The following PTBP3 variants were observed in gnomAD, a reference collection of about 807,000 sequenced individuals.
The protein encoded by PTBP3 is polypyrimidine tract binding protein 3, also known as polypyrimidine tract-binding protein 3.
Under a neutral mutation model 58.7 loss-of-function variants are expected in PTBP3, and 20 were observed. The ratio of observed to expected loss-of-function variants is 0.34; its 90% CI spans 0.24 to 0.50. PTBP3 has a LOEUF of 0.50. Ranked by LOEUF, PTBP3 falls within the 20% of genes least tolerant of loss-of-function variation. PTBP3 has a pLI of 0.98. For synonymous variants in PTBP3, 185 were observed against 219.8 expected, an observed-to-expected ratio of 0.84 and a Z score of 1.40; for missense variants, 509 against 637.2, an observed-to-expected ratio of 0.80 and a Z score of 2.17.
chr9:112,230,896 C>T (rs576370433), intron 10 of PTBP3, among the ~76,000 whole-genome samples: 1 of 152,286 alleles, frequency 6.6e-6, no homozygotes, highest in Admixed American at 6.5e-5. Flanking sequence ...CAATGGCTTC[C>T]GATTGTTCTT....
the PTBP3 span, among the ~76,000 whole-genome samples, chr9:112,354,943 T>G: frequency 1.3e-5 from 2 of 152,156 alleles, no homozygotes; most frequent in Non-Finnish European, 2.9e-5. Context: ...AAAACGTACA[T>G]GTACTCACAG....
Position 112,275,978 on chromosome 9 carries a change from T to C in PTBP3, c.70A>G (p.Arg24Gly). Reference protein sequence around the residue: ...GNDSKKFKRDRPPCSPSRVLH... With the variant: ...GNDSKKFKRDGPPCSPSRVLH... ...ACACGGGAAGGCGAACAGGGAGGTC[T>C]ATCTCGTTTAAATTTCTTGCTGTCA... Residue 24 changes from arginine to glycine, a missense_variant, in exon 3 of 14, where the codon AGA (arginine) becomes GGA (glycine). Around this residue, in one of 4 missense-constraint regions of PTBP3, gnomAD observed 212 missense variants for 215.3 expected, o/e 0.98. Transcript: ENST00000374257. The C allele has an allele frequency of 6.2e-7, 1 of 1,613,140 alleles. No homozygotes were observed. The highest frequency in any genetic ancestry group is 8.5e-7 in the Non-Finnish European group (1 of 1,179,486).
intron 3 of PTBP3, among the ~76,000 whole-genome samples, chr9:112,275,402 T>C (rs905083494): frequency 6.6e-6 from 1 of 152,204 alleles, no homozygotes; most frequent in African/African-American, 2.4e-5. Flanking sequence ...CCCAAAGTGC[T>C]GGGATTACAG....
chr9:112,293,431 C>T (rs1313332653), intron 2 of PTBP3, among the ~76,000 whole-genome samples: 1 of 152,128 alleles, frequency 6.6e-6, no homozygotes, highest in Non-Finnish European at 1.5e-5. Context: ...ACACAAAATA[C>T]AGTACATATG....
At chr9:112,257,792 T>C (rs1192507007) in intron 5 of PTBP3, among the ~76,000 whole-genome samples, 2 of 152,046 alleles carry the variant, frequency 1.3e-5, no homozygotes, top group Non-Finnish European at 2.9e-5. Flanking sequence ...GTACAAAAAT[T>C]AGCCAGGTGT....
upstream of PTBP3, among the ~76,000 whole-genome samples, chr9:112,334,462 G>A (rs1196622891): frequency 6.6e-6 from 1 of 152,038 alleles, no homozygotes; most frequent in Non-Finnish European, 1.5e-5. Flanking sequence ...CCTCTGGTCT[G>A]AGCAAAAAGT....
the PTBP3 span, among the ~76,000 whole-genome samples, chr9:112,348,962 A>T: frequency 3.9e-5 from 6 of 152,150 alleles, no homozygotes; most frequent in Non-Finnish European, 4.4e-5. Context: ...AATCATTTAA[A>T]ATGGTGTTGT....
chr9:112,301,978 T>C (rs941861154), intron 1 of PTBP3, among the ~76,000 whole-genome samples: 1 of 152,158 alleles, frequency 6.6e-6, no homozygotes, highest in Non-Finnish European at 1.5e-5. Context: ...TCCTGCTGTC[T>C]TCACTAACAG....
chr9:112,252,555 C>A, intron 6 of PTBP3, 123 bp downstream of exon 6: 2 of 696,918 alleles, frequency 2.9e-6, no homozygotes, highest in Non-Finnish European at 2.4e-6. Context: ...TTTAAAACGA[C>A]TAAAATGGTA....
the PTBP3 span, among the ~76,000 whole-genome samples, chr9:112,370,597 T>C: frequency 3.2e-3 from 487 of 152,296 alleles, 2 homozygotes; most frequent in Non-Finnish European, 5.1e-3. Flanking sequence ...CTTTTTCAAA[T>C]TGTCTTAGCT....
At chr9:112,241,944 T>A (rs1367594449) in intron 7 of PTBP3, among the ~76,000 whole-genome samples, 6 of 152,198 alleles carry the variant, frequency 3.9e-5, no homozygotes, top group Non-Finnish European at 8.8e-5. Context: ...TTCAGCATAA[T>A]CCCTTTGCCT....
intron 1 of PTBP3, among the ~76,000 whole-genome samples, chr9:112,314,320 G>A (rs1829614185): frequency 6.6e-6 from 1 of 152,174 alleles, no homozygotes; most frequent in Non-Finnish European, 1.5e-5. Context: ...TTCACAAGGA[G>A]ACAAAAGGTC....
intron 1 of PTBP3, among the ~76,000 whole-genome samples, chr9:112,307,512 C>T (rs1829272461): frequency 6.6e-6 from 1 of 152,094 alleles, no homozygotes; most frequent in African/African-American, 2.4e-5. Context: ...AATGTTTTAT[C>T]ATTCTTTATA....
At chr9:112,311,384 T>C (rs533738444) in intron 1 of PTBP3, among the ~76,000 whole-genome samples, 1 of 152,260 alleles carries the variant, frequency 6.6e-6, no homozygotes, top group South Asian at 2.1e-4. Context: ...AATCGTATTA[T>C]AAATAACCTA....
the PTBP3 span, among the ~76,000 whole-genome samples, chr9:112,342,514 C>T: frequency 6.6e-6 from 1 of 152,234 alleles, no homozygotes; most frequent in African/African-American, 2.4e-5. Flanking sequence ...GTCAGGAGTT[C>T]GAGACCAGCC....
the PTBP3 span, among the ~76,000 whole-genome samples, chr9:112,378,794 G>C: frequency 6.6e-6 from 1 of 152,138 alleles, no homozygotes; most frequent in Non-Finnish European, 1.5e-5. Flanking sequence ...AATTCCTCTG[G>C]AGCCTCTAAA....
chr9:112,333,948 C>G (rs906305206), upstream of PTBP3, among the ~76,000 whole-genome samples: 5 of 150,968 alleles, frequency 3.3e-5, no homozygotes, highest in African/African-American at 1.2e-4. Flanking sequence ...CCCGCCCTCC[C>G]GCGGCCCCGC....
chr9:112,227,667 G>C (rs750907437), intron 11 of PTBP3, 40 bp from the exon 12 acceptor site: 2 of 1,442,462 alleles, frequency 1.4e-6, no homozygotes, highest in Admixed American at 1.7e-5. Flanking sequence ...TGAGTATTAG[G>C]ATAGATTTCT....
intron 5 of PTBP3, among the ~76,000 whole-genome samples, chr9:112,258,898 C>A (rs1453487214): frequency 1.3e-5 from 2 of 151,926 alleles, no homozygotes; most frequent in African/African-American, 4.9e-5. Flanking sequence ...CCCAGGCCAC[C>A]ATCATCTCTC....
Sources: gnomAD v4.1 joint callset for allele counts (sites outside exome capture counted in the v4.1 genomes callset) on GRCh38, gnomAD v4.1.1 for gene constraint, gnomAD v4.1.1 regional missense constraint, MANE v1.5 for transcripts, NCBI Gene and HGNC (gene_info 2026-07-23, HGNC 2026-07-21) for gene names.